The following ATF6B variants were observed in gnomAD, a reference collection of about 807,000 sequenced individuals.
ATF6B encodes cyclic AMP-dependent transcription factor ATF-6 beta.
A neutral mutation model predicts 83.5 loss-of-function variants in ATF6B; 50 were observed. The observed-to-expected ratio is 0.60, with a 90% CI of 0.48 to 0.76. The LOEUF (loss-of-function observed/expected upper bound fraction) is 0.76, where lower values mean the gene tolerates loss of function less well. ATF6B is among the 30% of genes least tolerant of loss of function. ATF6B has a pLI of 0.00. For missense variants in ATF6B, 790 were observed against 893.8 expected, an observed-to-expected ratio of 0.88 and a Z score of 1.48; for synonymous variants, 344 against 362.8, an observed-to-expected ratio of 0.95 and a Z score of 0.59.
At chr6:32,120,247 G>A (rs538953115) in intron 8 of ATF6B, 13 of 222,766 alleles carry the variant, frequency 5.8e-5, no homozygotes, top group African/African-American at 1.4e-4. Context: ...ACAGACGCAC[G>A]CCACCACGCC....
chr6:32,117,360 C>T lies in ATF6B; in HGVS notation c.1577G>A (p.Gly526Asp), dbSNP rs762950323. Reference protein sequence around the residue: ...LSGWVQRHQRGRRKIPQRAQE... With the variant: ...LSGWVQRHQRDRRKIPQRAQE... ...GGCCCTCTGAGGGATCTTCCTCCGG[C>T]CTCTCTGGTGGCGCTGGACCCAGCC... Residue 526 changes from glycine (G) to aspartate (D), a missense_variant, in exon 14 of 18, where the codon GGC becomes GAC. By Grantham distance (94) the Gly-to-Asp change is moderately conservative. Around this residue, in one of 3 missense-constraint regions of ATF6B, gnomAD observed 530 missense variants for 632.6 expected, o/e 0.84. Transcript: ENST00000375203. This position sits in a 1 kb window ranked among gnomAD's most constrained non-coding sequence, Gnocchi z 5.0. 3.1e-6 allele frequency: 5 copies of T among 1,614,102 alleles called. No individual in the cohort carries two copies. The highest frequency in any genetic ancestry group is 2.2e-5 in the East Asian group (1 of 44,874).
chr6:32,121,936 G>C (rs767437347), intron 5 of ATF6B, among the ~76,000 whole-genome samples: 3 of 152,010 alleles, frequency 2.0e-5, no homozygotes, highest in Non-Finnish European at 2.9e-5. Context: ...GCCCTTCTGC[G>C]TTTCCCTCTT....
chr6:32,122,845 CAAA>C (rs746213748), intron 5 of ATF6B, among the ~76,000 whole-genome samples: 1 of 52,674 alleles, frequency 1.9e-5, no homozygotes, highest in Admixed American at 2.0e-4. Flanking sequence ...GACTCTGTCT[CAAA>C]AAAAAAAAAA....
intron 6 of ATF6B, 46 bp downstream of exon 6, chr6:32,121,216 AG>A: frequency 6.2e-7 from 1 of 1,610,974 alleles, no homozygotes; most frequent in Non-Finnish European, 8.5e-7. Context: ...CTAGGTCAGG[AG>A]GAACTCACTG....
chr6:32,128,219 A>AC lies in ATF6B; in HGVS notation c.-13dup, dbSNP rs1582542384. The AC allele has an allele frequency of 6.8e-5, 58 of 851,150 alleles. No individual in the cohort carries two copies. The Middle Eastern group carries it at 1.1e-3, about 17-fold the overall frequency. The allele number at this position is 851,150 out of a possible 1,614,324, so 52.7% of individuals were successfully genotyped here. A position where few individuals can be genotyped will look rare whatever the true frequency, so the allele number is the denominator to read the frequency against. On this transcript the variant is annotated 5_prime_UTR_variant, in exon 1 of 18. Transcript: ENST00000375203. Reference sequence around the variant, plus strand: ...ATCAGCTCCGCCATCTTTCCCCCCCACCCCCCAACCAGGAGACGGTTCCCA... The same window carrying AC: ...ATCAGCTCCGCCATCTTTCCCCCCCACCCCCCCAACCAGGAGACGGTTCCCA...
chr6:32,123,912 A>G (rs992632886), intron 5 of ATF6B, among the ~76,000 whole-genome samples: 1 of 151,978 alleles, frequency 6.6e-6, no homozygotes, highest in Non-Finnish European at 1.5e-5. Flanking sequence ...GAAATCAACA[A>G]TCAACATGTC....
intron 8 of ATF6B, 61 bp from the exon 9 acceptor site, chr6:32,120,018 C>T: frequency 1.3e-6 from 2 of 1,552,922 alleles, no homozygotes; most frequent in Non-Finnish European, 1.7e-6. Flanking sequence ...GTGTCCACAC[C>T]CACACAAGAG....
At position 32,127,765 on chromosome 6, in the gene ATF6B, G is replaced by A. The variant is rs1312497600; in HGVS notation, c.92-15C>T. 6.2e-7 allele frequency: 1 copy of A among 1,613,892 alleles called. No individual in the cohort carries two copies. The highest frequency in any genetic ancestry group is 1.1e-5 in the South Asian group (1 of 91,078). ...CAAGGTGCTGTCTGCAAGAAATGCT[G>A]AGCGTCGGGGGGTCGTTCGGTGGCC... On this transcript the variant is annotated splice_polypyrimidine_tract_variant and intron_variant, in intron 1 of 17. Coordinates refer to ENST00000375203, the MANE Select transcript of ATF6B (RefSeq NM_004381.5).
Position 32,118,863 on chromosome 6 carries a change from T to A in ATF6B, c.1156A>T (p.Ser386Cys), listed in dbSNP as rs1300114066. ...TTTCCAGACCCTAACTTGAGCTCGC[T>A]GTTCTAAGGTACAAAGAAGGAGACA... Reference protein sequence around the residue: ...RRLEALLAENSELKLGSGNRK... With the variant: ...RRLEALLAENCELKLGSGNRK... The change falls in exon 11 of 18, where the codon AGC becomes TGC. Residue 386 changes from serine to cysteine, a missense_variant. By Grantham distance (112) the Ser-to-Cys change is moderately radical. Transcript: ENST00000375203. The surrounding 1 kb of genome is among the most constrained non-coding windows in gnomAD (Gnocchi z 5.2). 3.1e-6 allele frequency: 5 copies of A among 1,614,258 alleles called. No homozygotes were observed. The highest frequency in any genetic ancestry group is 4.2e-6 in the Non-Finnish European group (5 of 1,180,048).
At chr6:32,122,587 G>A (rs1282058004) in intron 5 of ATF6B, among the ~76,000 whole-genome samples, 1 of 152,048 alleles carries the variant, frequency 6.6e-6, no homozygotes, top group African/African-American at 2.4e-5. Flanking sequence ...GGTGGCTCAC[G>A]CCTGTAATCC....
chr6:32,117,322 C>A lies in ATF6B; in HGVS notation c.1614+1G>T. The A allele has an allele frequency of 6.2e-7, 1 of 1,613,454 alleles. No individual in the cohort carries two copies. The highest frequency in any genetic ancestry group is 1.1e-5 in the South Asian group (1 of 91,012). ...TTCCTTGAACCAGCCACCCGCCCTA[C>A]CTGTCTCTCCTGGGCCCTCTGAGGG... is the stretch of plus-strand genomic sequence containing the variant. On this transcript the variant is annotated splice_donor_variant, in intron 14 of 17. Transcript: ENST00000375203. LOFTEE classifies it high-confidence loss of function. This position sits in a 1 kb window ranked among gnomAD's most constrained non-coding sequence, Gnocchi z 5.0.
At chr6:32,127,356 G>C in intron 3 of ATF6B, 86 bp downstream of exon 3, 1 of 1,469,016 alleles carries the variant, frequency 6.8e-7, no homozygotes, top group Non-Finnish European at 9.3e-7. Context: ...AGAAGCGTGA[G>C]GATATAGGAA....
rs892364222 is a variant in ATF6B at position 32,121,140 on chromosome 6, C to T, written c.565-16G>A. ...CTATAAAAGCCTATGTGGGGCATTC[C>T]AGAGATACATTAGTCAGGAAGAGTG... is the stretch of plus-strand genomic sequence containing the variant. On this transcript the variant is annotated splice_polypyrimidine_tract_variant and intron_variant, in intron 6 of 17. Transcript: ENST00000375203. 6.3e-7 allele frequency: 1 copy of T among 1,599,706 alleles called. No individual in the cohort carries two copies. Among genetic ancestry groups the T allele is most frequent in the African/African-American group, 1.3e-5 (1 of 74,448 alleles).
At position 32,116,538 on chromosome 6, in the gene ATF6B, G is replaced by A. The variant is rs756234340; in HGVS notation, c.1824C>T (p.Ser608=). The A allele has an allele frequency of 1.2e-6, 2 of 1,602,462 alleles. No homozygotes were observed. Among genetic ancestry groups the A allele is most frequent in the South Asian group, 1.1e-5 (1 of 89,058 alleles). ...TCTTGGGCCGGGAGGTCTTGTTGTGGCTGATGGCTGGGAGCAGCAGGTGGT... is the reference window on the plus strand; with the variant it reads ...TCTTGGGCCGGGAGGTCTTGTTGTGACTGATGGCTGGGAGCAGCAGGTGGT... ...RRDHLLLPAI[S]HNKTSRPKMS... Residue 608 remains serine (S), a synonymous_variant, in exon 17 of 18, where the codon AGC becomes AGT. Transcript: ENST00000375203. The surrounding 1 kb of genome is among the most constrained non-coding windows in gnomAD (Gnocchi z 5.1).
In ATF6B at chr6:32,126,062, C is replaced by T. The variant is rs563243374; in HGVS notation, c.478+55G>A. ...CCATCTACACACATACACACACACA[C>T]ATAACACATTCTCCCGTAGTAGAGC... is the stretch of plus-strand genomic sequence containing the variant. On this transcript the variant is annotated intron_variant, in intron 5 of 17. Transcript: ENST00000375203. 746 of 1,606,536 alleles carry T rather than the reference C, an allele frequency of 4.6e-4. No homozygotes were observed. The highest frequency in any genetic ancestry group is 9.9e-4 in the Middle Eastern group (6 of 6,036).
Position 32,115,788 on chromosome 6 carries a change from C to T in ATF6B, c.2063G>A (p.Ser688Asn). Residue 688 changes from serine (S) to asparagine (N), a missense_variant, in exon 18 of 18, where the codon AGC becomes AAC. Physicochemically the swap from Ser to Asn is conservative, Grantham distance 46. Around this residue, in one of 3 missense-constraint regions of ATF6B, gnomAD observed 530 missense variants for 632.6 expected, o/e 0.84. Coordinates refer to ENST00000375203, the MANE Select transcript of ATF6B (RefSeq NM_004381.5). ...TGGPLPVSAA[S>N]QAHQASHQPL... The stretch of plus-strand genomic sequence containing the variant: ...CTGGTGGGAGGCCTGGTGGGCCTGG[C>T]TGGCTGCAGAGACTGGCAAGGGGCC... The T allele has an allele frequency of 6.2e-7, 1 of 1,612,196 alleles. No individual in the cohort carries two copies. Among genetic ancestry groups the T allele is most frequent in the Non-Finnish European group, 8.5e-7 (1 of 1,179,052 alleles).
At chr6:32,121,412 A>T in intron 5 of ATF6B, 64 bp from the exon 6 acceptor site, 1 of 1,500,404 alleles carries the variant, frequency 6.7e-7, no homozygotes, top group Middle Eastern at 1.9e-4. Flanking sequence ...TAAGAGGGTT[A>T]AGATGGGAGG....
At position 32,115,500 on chromosome 6, in the gene ATF6B, C is replaced by T; in HGVS notation, c.*239G>A. ...ACCCACCCCACAACTGAACCTCACA[C>T]AATCCCCTCAAACAAAGAAGCCAGG... On this transcript the variant is annotated 3_prime_UTR_variant, in exon 18 of 18. Transcript: ENST00000375203. The T allele has an allele frequency of 2.3e-6, 1 of 434,900 alleles. No homozygotes were observed. The highest frequency in any genetic ancestry group is 3.4e-5 in the East Asian group (1 of 29,298). 26.9% of individuals were successfully genotyped at this position (434,900 alleles called of 1,614,324 possible).
chr6:32,119,273 C>T lies in ATF6B; in HGVS notation c.967-132G>A. On this transcript the variant is annotated intron_variant, in intron 9 of 17. Coordinates refer to ENST00000375203, the MANE Select transcript of ATF6B (RefSeq NM_004381.5). The surrounding 1 kb of genome is among the most constrained non-coding windows in gnomAD (Gnocchi z 4.9). ...CTGCCTTCCTGACCCACCTACATAG[C>T]CAGAGAGGTTTTTCCTCTCTACTCA... The T allele has an allele frequency of 9.1e-7, 1 of 1,101,982 alleles. No individual in the cohort carries two copies. The highest frequency in any genetic ancestry group is 1.3e-6 in the Non-Finnish European group (1 of 795,346). 68.3% of individuals were successfully genotyped at this position (1,101,982 alleles called of 1,614,324 possible). A position where few individuals can be genotyped will look rare whatever the true frequency, so the allele number is the denominator to read the frequency against.
Sources: allele counts gnomAD v4.1 joint callset (sites outside exome capture counted in the v4.1 genomes callset), GRCh38; gene constraint gnomAD v4.1.1; regional missense constraint gnomAD v4.1.1; non-coding constraint Gnocchi (gnomAD v3.1); transcripts MANE v1.5; gene names NCBI Gene and HGNC (gene_info 2026-07-23, HGNC 2026-07-21).